ADAM7: variants seen among roughly 807,000 people sequenced by gnomAD.
ADAM7 encodes ADAM metallopeptidase domain 7.
ADAM7 carries 97 observed loss-of-function variants against 102.9 expected under a neutral mutation model. The observed-to-expected ratio is 0.94, with a 90% CI of 0.80 to 1.12. ADAM7 has a LOEUF of 1.12. Among genes scored for constraint, ADAM7 ranks in the 50% most tolerant of loss-of-function variants. ADAM7 has a pLI of 0.00. For missense variants in ADAM7, 991 were observed against 908.7 expected, an observed-to-expected ratio of 1.09 and a Z score of -1.16; for synonymous variants, 334 against 304.4, an observed-to-expected ratio of 1.10 and a Z score of -1.01.
In ADAM7 at chr8:24,492,644, T is replaced by C. The variant is rs200853609; in HGVS notation, c.1655+47T>C. The C allele has an allele frequency of 4.0e-5, 56 of 1,413,472 alleles. No homozygotes were observed. In the East Asian group the frequency reaches 1.2e-3, roughly 31 times the overall value. The allele number at this position is 1,413,472 out of a possible 1,614,324, so 87.6% of individuals were successfully genotyped here. On this transcript the variant is annotated intron_variant, in intron 15 of 21. Transcript: ENST00000175238. ...AGTAATTTGCCTTCTTACAGCACTT[T>C]GTCAAAATCAGAATGGCTCCTGTCC... is the stretch of plus-strand genomic sequence containing the variant.
Position 24,493,038 on chromosome 8 carries a change from T to C in ADAM7, c.1656-5T>C, listed in dbSNP as rs1820422349. On this transcript the variant is annotated splice_region_variant and splice_polypyrimidine_tract_variant and intron_variant, in intron 15 of 21. Transcript: ENST00000175238. ...CCAAGTTTGAATATTCTGCCTTTCC[T>C]TCAGAGATGTCAGATGTGGAAAGAT... 13 of 1,568,732 alleles carry C rather than the reference T, an allele frequency of 8.3e-6. No homozygotes were observed. Among genetic ancestry groups the C allele is most frequent in the Non-Finnish European group, 1.1e-5 (13 of 1,163,950 alleles).
intron 3 of ADAM7, among the ~76,000 whole-genome samples, chr8:24,462,780 T>C (rs1025119158): frequency 1.3e-5 from 2 of 152,190 alleles, no homozygotes; most frequent in Non-Finnish European, 2.9e-5. Context: ...CCAAATACTA[T>C]CTTAAAAACT....
intron 3 of ADAM7, among the ~76,000 whole-genome samples, chr8:24,459,595 G>A (rs1299186733): frequency 6.6e-6 from 1 of 151,924 alleles, no homozygotes; most frequent in Non-Finnish European, 1.5e-5. Flanking sequence ...ATCTGAGACT[G>A]AAGCCATGTG....
At chr8:24,456,365 TATTC>T (rs1226215040) in intron 3 of ADAM7, among the ~76,000 whole-genome samples, 8 of 152,226 alleles carry the variant, frequency 5.3e-5, no homozygotes, top group Non-Finnish European at 1.2e-4. Context: ...TCTCTTTATC[TATTC>T]ATCTGTCGAT....
At chr8:24,461,348 T>A (rs1819235771) in intron 3 of ADAM7, among the ~76,000 whole-genome samples, 1 of 151,996 alleles carries the variant, frequency 6.6e-6, no homozygotes. Context: ...CTCTTCTGGC[T>A]CACATAGTCT....
At chr8:24,501,662 G>A (rs559664938) in intron 20 of ADAM7, 86 bp downstream of exon 20, 2 of 987,796 alleles carry the variant, frequency 2.0e-6, no homozygotes, top group Admixed American at 2.9e-5. Flanking sequence ...CCCGTCCTAA[G>A]CTAAGTGACA....
At position 24,468,632 on chromosome 8, in the gene ADAM7, T is replaced by G. The variant is rs575605348; in HGVS notation, c.580-135T>G. On this transcript the variant is annotated intron_variant, in intron 6 of 21. Transcript: ENST00000175238. ...TAGATAAATTCGTACAATTTTTATATATTCATATGCCTCCCCATTTTGTAT... is the reference window on the plus strand; with the variant it reads ...TAGATAAATTCGTACAATTTTTATAGATTCATATGCCTCCCCATTTTGTAT... 1.6e-5 allele frequency: 11 copies of G among 698,760 alleles called. No homozygotes were observed. In the Admixed American group the frequency reaches 3.1e-4, roughly 20 times the overall value. The allele number at this position is 698,760 out of a possible 1,614,324, so 43.3% of individuals were successfully genotyped here.
intron 3 of ADAM7, among the ~76,000 whole-genome samples, chr8:24,455,540 C>G (rs969792979): frequency 3.3e-5 from 5 of 152,184 alleles, no homozygotes; most frequent in African/African-American, 2.4e-5. Flanking sequence ...TCTCAACTAG[C>G]TGGAACTACA....
intron 8 of ADAM7, among the ~76,000 whole-genome samples, chr8:24,478,693 T>G (rs1819849891): frequency 6.6e-6 from 1 of 152,158 alleles, no homozygotes; most frequent in Non-Finnish European, 1.5e-5. Context: ...TAATTTAAAT[T>G]TCCTGTTAGA....
At chr8:24,454,774 G>A (rs1818964504) in intron 3 of ADAM7, among the ~76,000 whole-genome samples, 1 of 152,070 alleles carries the variant, frequency 6.6e-6, no homozygotes, top group African/African-American at 2.4e-5. Flanking sequence ...GTAGACCGGA[G>A]CTGTTCCTAT....
chr8:24,496,604 G>A (rs1001007198), intron 16 of ADAM7, among the ~76,000 whole-genome samples: 1 of 152,214 alleles, frequency 6.6e-6, no homozygotes, highest in African/African-American at 2.4e-5. Context: ...GCATCAGTGT[G>A]ATCTGGATGT....
At chr8:24,472,464 A>G (rs1819639652) in intron 7 of ADAM7, among the ~76,000 whole-genome samples, 1 of 152,102 alleles carries the variant, frequency 6.6e-6, no homozygotes, top group Non-Finnish European at 1.5e-5. Context: ...TAAACCACTA[A>G]AAGACTATTG....
intron 9 of ADAM7, 82 bp from the exon 10 acceptor site, chr8:24,485,195 G>A (rs1307582262): frequency 7.9e-7 from 1 of 1,263,616 alleles, no homozygotes; most frequent in East Asian, 2.3e-5. Flanking sequence ...CATTGGCATT[G>A]CTGGGGTTCA....
intron 18 of ADAM7, 69 bp downstream of exon 18, chr8:24,500,325 T>G: frequency 7.1e-7 from 1 of 1,411,272 alleles, no homozygotes. Flanking sequence ...TTTCTTATTT[T>G]TCAAGTCTGC....
In ADAM7 at chr8:24,508,851, C is replaced by G. The variant is rs1335868899; in HGVS notation, c.*305C>G. 2.5e-6 allele frequency: 3 copies of G among 1,197,860 alleles called. No individual in the cohort carries two copies. Among genetic ancestry groups the G allele is most frequent in the Non-Finnish European group, 3.1e-6 (3 of 966,174 alleles). The allele number at this position is 1,197,860 out of a possible 1,614,324, so 74.2% of individuals were successfully genotyped here. Reference sequence around the variant, plus strand: ...TAGTATTTTCCTACAAAATGTTACTCTGCTTTCTTTTAAGAATCCAAACTT... The same window carrying G: ...TAGTATTTTCCTACAAAATGTTACTGTGCTTTCTTTTAAGAATCCAAACTT... On this transcript the variant is annotated 3_prime_UTR_variant, in exon 22 of 22. Transcript: ENST00000175238.
At chr8:24,506,861 G>T (rs1389351306) in intron 20 of ADAM7, among the ~76,000 whole-genome samples, 1 of 151,518 alleles carries the variant, frequency 6.6e-6, no homozygotes, top group East Asian at 1.9e-4. Context: ...CATCCTCAAG[G>T]TTACTCAGTA....
At chr8:24,498,909 A>G (rs1327537036) in intron 16 of ADAM7, among the ~76,000 whole-genome samples, 1 of 152,042 alleles carries the variant, frequency 6.6e-6, no homozygotes, top group African/African-American at 2.4e-5. Context: ...AACTGTTGCA[A>G]TTACAGTTGT....
chr8:24,492,979 T>C, intron 15 of ADAM7, 64 bp from the exon 16 acceptor site: 1 of 1,469,278 alleles, frequency 6.8e-7, no homozygotes, highest in Non-Finnish European at 9.0e-7. Flanking sequence ...GAGGCTCCAT[T>C]GCCAGCCTAG....
chr8:24,500,813 C>A lies in ADAM7; in HGVS notation c.2026C>A (p.Leu676Ile), dbSNP rs146651127. Residue 676 changes from leucine to isoleucine, a missense_variant, in exon 19 of 22, where the codon CTT (leucine) becomes ATT (isoleucine). Transcript: ENST00000175238. Reference sequence around the variant, plus strand: ...AGATATCACCATCTTGGTTGTTGTGCTTGTCCTGGTTATTGTCGGTATCGG... The same window carrying A: ...AGATATCACCATCTTGGTTGTTGTGATTGTCCTGGTTATTGTCGGTATCGG... ...VTNITILVVV[L>I]VLVIVGIGVL... 1 of 1,613,222 alleles carries A rather than the reference C, an allele frequency of 6.2e-7. No individual in the cohort carries two copies. The highest frequency in any genetic ancestry group is 1.3e-5 in the African/African-American group (1 of 74,970).
Sources: allele counts gnomAD v4.1 joint callset (sites outside exome capture counted in the v4.1 genomes callset), GRCh38; gene constraint gnomAD v4.1.1; transcripts MANE v1.5; gene names NCBI Gene and HGNC (gene_info 2026-07-23, HGNC 2026-07-21).